The following LRRC4C variants were observed in gnomAD, a reference collection of about 807,000 sequenced individuals.
LRRC4C encodes leucine rich repeat containing 4C.
Under a neutral mutation model 33.6 loss-of-function variants are expected in LRRC4C, and 5 were observed. The observed-to-expected ratio is 0.15, with a 90% CI of 0.08 to 0.31. The LOEUF (loss-of-function observed/expected upper bound fraction) is 0.31. Among genes scored for constraint, LRRC4C ranks in the 10% least tolerant of loss-of-function variants. The pLI, the probability that LRRC4C is intolerant of heterozygous loss-of-function variation, is 1.00. For missense variants in LRRC4C, 560 were observed against 796.7 expected, an observed-to-expected ratio of 0.70 and a Z score of 3.58; for synonymous variants, 329 against 302.0, an observed-to-expected ratio of 1.09 and a Z score of -0.93.
chr11:40,587,577 G>A (rs1480459119), intron 3 of LRRC4C, among the ~76,000 whole-genome samples: 1 of 144,302 alleles, frequency 6.9e-6, no homozygotes, highest in East Asian at 2.0e-4. Flanking sequence ...AATGCTTCCA[G>A]TTTTTGCCCA....
At chr11:40,383,860 C>A (rs1948994123) in intron 3 of LRRC4C, among the ~76,000 whole-genome samples, 1 of 150,662 alleles carries the variant, frequency 6.6e-6, no homozygotes, top group Non-Finnish European at 1.5e-5. Flanking sequence ...AATTTTTTTA[C>A]TTTTTGTTGA....
chr11:40,969,324 C>A (rs1237044650), intron 1 of LRRC4C, among the ~76,000 whole-genome samples: 2 of 152,002 alleles, frequency 1.3e-5, no homozygotes, highest in Non-Finnish European at 2.9e-5. Flanking sequence ...GAAATGTACT[C>A]CTGGTGAAGA....
chr11:40,277,683 T>G (rs1171514797), intron 4 of LRRC4C, among the ~76,000 whole-genome samples: 1 of 152,140 alleles, frequency 6.6e-6, no homozygotes, highest in Non-Finnish European at 1.5e-5. Context: ...TTATTGTCTC[T>G]GTGACATGGG....
At chr11:40,968,181 A>G (rs1158496871) in intron 1 of LRRC4C, among the ~76,000 whole-genome samples, 1 of 152,140 alleles carries the variant, frequency 6.6e-6, no homozygotes, top group Non-Finnish European at 1.5e-5. Context: ...AAACCCAGCC[A>G]CAATATTTTC....
At chr11:41,241,047 G>A (rs892771013) in intron 1 of LRRC4C, among the ~76,000 whole-genome samples, 7 of 152,116 alleles carry the variant, frequency 4.6e-5, no homozygotes, top group African/African-American at 1.4e-4. Context: ...TACAAACTAT[G>A]GTAAGTTATT....
At chr11:40,577,003 A>G (rs904591957) in intron 3 of LRRC4C, among the ~76,000 whole-genome samples, 5 of 152,184 alleles carry the variant, frequency 3.3e-5, no homozygotes, top group Non-Finnish European at 5.9e-5. Context: ...GGAAACTTCA[A>G]TGTCAGATTA....
At chr11:40,699,511 T>C (rs533070211) in intron 2 of LRRC4C, among the ~76,000 whole-genome samples, 1 of 152,318 alleles carries the variant, frequency 6.6e-6, no homozygotes, top group African/African-American at 2.4e-5. Context: ...ATATATGCCA[T>C]CCCATTTTGG....
intron 1 of LRRC4C, among the ~76,000 whole-genome samples, chr11:41,174,217 G>A (rs190417239): frequency 1.3e-5 from 2 of 152,192 alleles, no homozygotes; most frequent in Admixed American, 6.5e-5. Flanking sequence ...AGTTATTTAT[G>A]TATGAGTTAT....
At chr11:41,040,744 G>GA (rs1857382428) in intron 1 of LRRC4C, among the ~76,000 whole-genome samples, 1 of 152,120 alleles carries the variant, frequency 6.6e-6, no homozygotes, top group African/African-American at 2.4e-5. Flanking sequence ...TGACATTTTA[G>GA]AAAATCAAAG....
At chr11:41,413,785 A>G (rs1954578264) in intron 1 of LRRC4C, among the ~76,000 whole-genome samples, 1 of 152,202 alleles carries the variant, frequency 6.6e-6, no homozygotes, top group Non-Finnish European at 1.5e-5. Flanking sequence ...TGGAGTTTAA[A>G]TCAAGGTGTT....
At chr11:40,554,839 A>G (rs1291683614) in intron 3 of LRRC4C, among the ~76,000 whole-genome samples, 1 of 136,218 alleles carries the variant, frequency 7.3e-6, no homozygotes, top group Non-Finnish European at 1.5e-5. Context: ...CTCCTGCCTC[A>G]GCCTCCCGAG....
At chr11:40,849,083 C>T (rs1953348703) in intron 2 of LRRC4C, among the ~76,000 whole-genome samples, 3 of 151,962 alleles carry the variant, frequency 2.0e-5, no homozygotes, top group African/African-American at 4.8e-5. Flanking sequence ...ACATATGGTT[C>T]TTGACTATCC....
intron 2 of LRRC4C, among the ~76,000 whole-genome samples, chr11:40,848,042 T>G (rs1953279071): frequency 6.6e-6 from 1 of 151,056 alleles, no homozygotes; most frequent in African/African-American, 2.4e-5. Context: ...GATTCTTCTC[T>G]CTTTTCTTCG....
At chr11:41,282,304 G>A (rs1376621915) in intron 1 of LRRC4C, among the ~76,000 whole-genome samples, 1 of 152,174 alleles carries the variant, frequency 6.6e-6, no homozygotes, top group Non-Finnish European at 1.5e-5. Context: ...CAATCATATG[G>A]TTATAAAGAG....
chr11:40,561,473 C>T (rs35798156), intron 3 of LRRC4C, among the ~76,000 whole-genome samples: 10 of 133,024 alleles, frequency 7.5e-5, no homozygotes, highest in Non-Finnish European at 1.4e-4. Context: ...ATTGTAGTGG[C>T]GCAATCTCTG....
At chr11:41,416,107 A>G (rs1954669239) in intron 1 of LRRC4C, among the ~76,000 whole-genome samples, 1 of 151,968 alleles carries the variant, frequency 6.6e-6, no homozygotes, top group African/African-American at 2.4e-5. Flanking sequence ...CATTTTTCAG[A>G]GAGTCATATA....
At chr11:41,191,523 T>C (rs1565466196) in intron 1 of LRRC4C, among the ~76,000 whole-genome samples, 2 of 152,164 alleles carry the variant, frequency 1.3e-5, no homozygotes, top group African/African-American at 4.8e-5. Flanking sequence ...CCAAAGTTTA[T>C]AGTGACTCTG....
chr11:40,129,062 G>C (rs1421981516), intron 6 of LRRC4C, among the ~76,000 whole-genome samples: 4 of 152,062 alleles, frequency 2.6e-5, no homozygotes, highest in Non-Finnish European at 5.9e-5. Context: ...TATTCACCTA[G>C]AACAGTACTC....
At chr11:40,834,563 C>T (rs1369773869) in intron 2 of LRRC4C, among the ~76,000 whole-genome samples, 2 of 151,488 alleles carry the variant, frequency 1.3e-5, no homozygotes, top group African/African-American at 2.4e-5. Context: ...GGAGTTATAA[C>T]TGGCACACTA....
Sources: allele counts gnomAD v4.1 joint callset (sites outside exome capture counted in the v4.1 genomes callset), GRCh38; gene constraint gnomAD v4.1.1; transcripts MANE v1.5; gene names NCBI Gene and HGNC (gene_info 2026-07-23, HGNC 2026-07-21).